The following ACOX2 variants were observed in gnomAD, a reference collection of about 807,000 sequenced individuals.
ACOX2 encodes acyl-CoA oxidase 2, also known as peroxisomal acyl-coenzyme A oxidase 2.
In ACOX2, 59 loss-of-function variants were observed where a neutral mutation model predicts 77.5. That is an observed-to-expected ratio of 0.76 (90% confidence interval 0.62 to 0.95). ACOX2 has a LOEUF of 0.95. Ranked by LOEUF, ACOX2 falls within the 40% of genes least tolerant of loss-of-function variation. The probability of loss-of-function intolerance (pLI) is 0.00; values close to 1 mark genes in which losing one functional copy is unlikely to be tolerated. For missense variants in ACOX2, 837 were observed against 880.4 expected (o/e 0.95, Z 0.62); for synonymous variants, 317 against 340.1 (o/e 0.93, Z 0.75).
At chr3:58,509,254 G>T (rs762782621) in intron 13 of ACOX2, among the ~76,000 whole-genome samples, 2 of 152,118 alleles carry the variant, frequency 1.3e-5, no homozygotes, top group East Asian at 3.9e-4. Flanking sequence ...CCGGCCATGC[G>T]TGGTGGCTCA....
Position 58,534,326 on chromosome 3 carries a change from C to G in ACOX2, c.323+34G>C, listed in dbSNP as rs1275420514. On this transcript the variant is annotated intron_variant, in intron 3 of 14. Coordinates refer to ENST00000302819, the MANE Select transcript of ACOX2 (RefSeq NM_003500.4). The surrounding 1 kb of genome is among the most constrained non-coding windows in gnomAD (Gnocchi z 4.8). ...GGTTTCCAGGTGATCCCAGGTAGAT[C>G]CCTCTCTAGTGGGGCTGCTCGAGGA... The G allele has an allele frequency of 6.2e-7, 1 of 1,611,256 alleles. No individual in the cohort carries two copies. The highest frequency in any genetic ancestry group is 8.5e-7 in the Non-Finnish European group (1 of 1,178,426).
In ACOX2 at chr3:58,522,683, T is replaced by G. The variant is rs1318436278; in HGVS notation, c.1527-82A>C. ...TGGGCTTCCTGTGGTCCCTCAGAAG[T>G]AGAAATAATGCCTGTTTATTGACCA... On this transcript the variant is annotated intron_variant, in intron 11 of 14. Coordinates refer to ENST00000302819, the MANE Select transcript of ACOX2 (RefSeq NM_003500.4). The surrounding 1 kb of genome is among the most constrained non-coding windows in gnomAD (Gnocchi z 4.3). 1.7e-6 allele frequency: 2 copies of G among 1,198,404 alleles called. No individual in the cohort carries two copies. Among genetic ancestry groups the G allele is most frequent in the Admixed American group, 3.5e-5 (2 of 57,240 alleles). The allele number at this position is 1,198,404 out of a possible 1,614,324, so 74.2% of individuals were successfully genotyped here. A position where few individuals can be genotyped will look rare whatever the true frequency, so the allele number is the denominator to read the frequency against.
rs775931712 is a variant in ACOX2 at position 58,508,986 on chromosome 3, G to A, written c.1890C>T (p.Thr630=). The change falls in exon 14 of 15, where the codon ACC becomes ACT. Residue 630 remains threonine (T), a synonymous_variant. Coordinates refer to ENST00000302819, the MANE Select transcript of ACOX2 (RefSeq NM_003500.4). ...AILLTDAFDF[T]DQCLNSALGC... is the part of the protein sequence containing the mutation. Reference sequence around the variant, plus strand: ...CAAGTGCTGAATTTAAACACTGATCGGTGAAGTCAAAAGCATCAGTTAACA... The same window carrying A: ...CAAGTGCTGAATTTAAACACTGATCAGTGAAGTCAAAAGCATCAGTTAACA... The A allele has an allele frequency of 3.7e-6, 6 of 1,614,090 alleles. No individual in the cohort carries two copies. The highest frequency in any genetic ancestry group is 4.5e-5 in the East Asian group (2 of 44,880).
Position 58,505,349 on chromosome 3 carries a change from C to T in ACOX2, c.1984-63G>A, listed in dbSNP as rs2063226799. ...TTTCTGCCAGGATTAATGACTTTCA[C>T]TTTCAAATTAAGTCTCTAGCTTCAA... On this transcript the variant is annotated intron_variant, in intron 14 of 14. Coordinates refer to ENST00000302819, the MANE Select transcript of ACOX2 (RefSeq NM_003500.4). The surrounding 1 kb of genome is among the most constrained non-coding windows in gnomAD (Gnocchi z 4.4). The T allele has an allele frequency of 7.4e-7, 1 of 1,360,302 alleles. No individual in the cohort carries two copies. Among genetic ancestry groups the T allele is most frequent in the African/African-American group, 1.5e-5 (1 of 68,366 alleles). 84.3% of individuals were successfully genotyped at this position (1,360,302 alleles called of 1,614,324 possible).
rs1259851966 is a variant in ACOX2, at chr3:58,534,103, G to A, written c.366C>T (p.Phe122=). The change falls in exon 4 of 15, where the codon TTC becomes TTT. Residue 122 remains phenylalanine (F), a synonymous_variant. Transcript: ENST00000302819. This position sits in a 1 kb window ranked among gnomAD's most constrained non-coding sequence, Gnocchi z 4.8. ...AGCCCAGGCTCCTGAGGGCTCTCACGAAGACTCTGTGTATATTTAAGGCCA... is the reference window on the plus strand; with the variant it reads ...AGCCCAGGCTCCTGAGGGCTCTCACAAAGACTCTGTGTATATTTAAGGCCA... ...GDVALNIHRV[F]VRALRSLGSE... 1.2e-6 allele frequency: 2 copies of A among 1,614,052 alleles called. No individual in the cohort carries two copies. The highest frequency in any genetic ancestry group is 1.1e-5 in the South Asian group (1 of 91,090).
chr3:58,507,283 A>G (rs1432243542), intron 14 of ACOX2, among the ~76,000 whole-genome samples: 2 of 151,994 alleles, frequency 1.3e-5, no homozygotes, highest in Non-Finnish European at 1.5e-5. Context: ...GAAGGTGAAG[A>G]CTCCTTCGTT....
At position 58,508,917 on chromosome 3, in the gene ACOX2, AG is replaced by A; in HGVS notation, c.1958del (p.Ala653ValfsTer18). ...GNVYERLFQWAQKSPTNTQEN... is the reference protein window; with the variant it reads ...GNVYERLFQWXQKSPTNTQEN... ...CCTGAGTATTGGTTGGTGACTTCTG[AG>A]CCCACTGGAACAGGCGTTCGTAGAC... is the stretch of plus-strand genomic sequence containing the variant. On this transcript the variant is annotated frameshift_variant, in exon 14 of 15. Transcript: ENST00000302819. LOFTEE classifies it high-confidence loss of function. The A allele has an allele frequency of 6.2e-7, 1 of 1,614,216 alleles. No homozygotes were observed. The highest frequency in any genetic ancestry group is 8.5e-7 in the Non-Finnish European group (1 of 1,180,042).
chr3:58,534,765 G>A lies in ACOX2; in HGVS notation c.160+182C>T. 7.5e-7 allele frequency: 1 copy of A among 1,330,752 alleles called. No individual in the cohort carries two copies. The highest frequency in any genetic ancestry group is 1.1e-6 in the Non-Finnish European group (1 of 948,992). 82.4% of individuals were successfully genotyped at this position (1,330,752 alleles called of 1,614,324 possible). On this transcript the variant is annotated intron_variant, in intron 2 of 14. Transcript: ENST00000302819. The surrounding 1 kb of genome is among the most constrained non-coding windows in gnomAD (Gnocchi z 4.8). ...CTGCCTAGGACTCTTCTATCCCCTA[G>A]GTGGGCTCAGGCAATATTGACATGT...
At chr3:58,532,511 G>C (rs946383522) in intron 5 of ACOX2, among the ~76,000 whole-genome samples, 1 of 151,732 alleles carries the variant, frequency 6.6e-6, no homozygotes, top group East Asian at 1.9e-4. Context: ...TCAGCCTCCC[G>C]AGTAGGTGGG....
Position 58,533,503 on chromosome 3 carries a change from G to A in ACOX2, c.525C>T (p.Thr175=). 1 of 1,614,002 alleles carries A rather than the reference G, an allele frequency of 6.2e-7. No homozygotes were observed. Among genetic ancestry groups the A allele is most frequent in the Non-Finnish European group, 8.5e-7 (1 of 1,179,984 alleles). ...LETEATYDAA[T]QEFVIHSPTL... Reference sequence around the variant, plus strand: ...TGGGGCTGTGTATCACAAACTCCTGGGTGGCTGCGTCATAGGTGGCTTCAG... The same window carrying A: ...TGGGGCTGTGTATCACAAACTCCTGAGTGGCTGCGTCATAGGTGGCTTCAG... Residue 175 remains threonine (T), a synonymous_variant, in exon 5 of 15, where the codon ACC becomes ACT. Coordinates refer to ENST00000302819, the MANE Select transcript of ACOX2 (RefSeq NM_003500.4). This position sits in a 1 kb window ranked among gnomAD's most constrained non-coding sequence, Gnocchi z 5.6.
rs2063227533 is a variant in ACOX2 at position 58,505,430 on chromosome 3, G to T, written c.1984-144C>A. 7.6e-6 allele frequency: 5 copies of T among 658,964 alleles called. No homozygotes were observed. The highest frequency in any genetic ancestry group is 1.2e-5 in the Non-Finnish European group (5 of 419,892). 40.8% of individuals were successfully genotyped at this position (658,964 alleles called of 1,614,324 possible). A position where few individuals can be genotyped will look rare whatever the true frequency, so the allele number is the denominator to read the frequency against. ...AAAAATTATTTCTAAGACTCATTTT[G>T]TGTGAACATATGGAGAAACATTTTT... On this transcript the variant is annotated intron_variant, in intron 14 of 14. Coordinates refer to ENST00000302819, the MANE Select transcript of ACOX2 (RefSeq NM_003500.4). The surrounding 1 kb of genome is among the most constrained non-coding windows in gnomAD (Gnocchi z 4.4).
At chr3:58,517,622 G>A (rs1560213173) in intron 12 of ACOX2, among the ~76,000 whole-genome samples, 199 bp from the exon 13 acceptor site, 1 of 137,588 alleles carries the variant, frequency 7.3e-6, no homozygotes. Context: ...TTGGGGGGGG[G>A]AGCGGGGACG....
Position 58,528,987 on chromosome 3 carries a change from C to G in ACOX2, c.993-31G>C, listed in dbSNP as rs184718018. On this transcript the variant is annotated intron_variant, in intron 8 of 14. Transcript: ENST00000302819. The surrounding 1 kb of genome is among the most constrained non-coding windows in gnomAD (Gnocchi z 5.6). ...GGGAAAAGAACCAGAAGATTTAGAT[C>G]ACTACCTGTTGTGTCCACCTTCCCC... 376 of 1,588,082 alleles carry G rather than the reference C, an allele frequency of 2.4e-4. 2 individuals carry two copies. The Admixed American group carries it at 6.5e-3, about 27-fold the overall frequency.
chr3:58,520,149 G>A (rs1030603207), intron 12 of ACOX2, among the ~76,000 whole-genome samples: 2 of 152,236 alleles, frequency 1.3e-5, no homozygotes, highest in Non-Finnish European at 2.9e-5. Flanking sequence ...GGGGGTGCTA[G>A]CTGCCTCTCT....
rs574039664 is a variant in ACOX2 at position 58,511,558 on chromosome 3, G to A, written c.1851-2533C>T. On this transcript the variant is annotated intron_variant, in intron 13 of 14. Transcript: ENST00000302819. ...AACTGCAATCACCTCATGCCCACAAGGTACTCTGTAGATATCCTCTTGGAC... is the reference window on the plus strand; with the variant it reads ...AACTGCAATCACCTCATGCCCACAAAGTACTCTGTAGATATCCTCTTGGAC... 7 of 171,558 alleles carry A rather than the reference G, an allele frequency of 4.1e-5. No individual in the cohort carries two copies. The South Asian group carries it at 8.9e-4, about 22-fold the overall frequency. 10.6% of individuals were successfully genotyped at this position (171,558 alleles called of 1,614,324 possible). A position where few individuals can be genotyped will look rare whatever the true frequency, so the allele number is the denominator to read the frequency against.
chr3:58,510,709 TACAC>T lies in ACOX2; in HGVS notation c.1851-1688_1851-1685del, dbSNP rs60942766. Among the ~76,000 whole-genome samples, 50 of 7,264 alleles carry T rather than the reference TACAC, an allele frequency of 6.9e-3. 6 individuals are homozygous for T. The highest frequency in any genetic ancestry group is 0.016 in the Admixed American group (6 of 366). The allele number at this position is 7,264 out of a possible 152,430, so 4.8% of individuals were successfully genotyped here. A position where few individuals can be genotyped will look rare whatever the true frequency, so the allele number is the denominator to read the frequency against. On this transcript the variant is annotated intron_variant, in intron 13 of 14. Transcript: ENST00000302819. ...ATATATATATATATATATATATATA[TACAC>T]ACACACACACACACACACACACACA...
Position 58,521,357 on chromosome 3 carries a change from G to A in ACOX2, c.1632+1139C>T, listed in dbSNP as rs779399441. ...GCCATTTTCTGGGTCTGAGGCCTGA[G>A]GATTGGCGTGATCACTTTAGTTTTC... On this transcript the variant is annotated intron_variant, in intron 12 of 14. Coordinates refer to ENST00000302819, the MANE Select transcript of ACOX2 (RefSeq NM_003500.4). This position sits in a 1 kb window ranked among gnomAD's most constrained non-coding sequence, Gnocchi z 4.8. Among the ~76,000 whole-genome samples the A allele has an allele frequency of 2.4e-4, 36 of 152,206 alleles. No homozygotes were observed. The highest frequency in any genetic ancestry group is 4.9e-4 in the Non-Finnish European group (33 of 68,030).
intron 14 of ACOX2, among the ~76,000 whole-genome samples, chr3:58,508,310 T>C (rs2063249099): frequency 6.6e-6 from 1 of 152,146 alleles, no homozygotes; most frequent in Non-Finnish European, 1.5e-5. Context: ...TTTTTTGGCA[T>C]GACCCTTTTA....
rs370773993 is a variant in ACOX2 at position 58,535,062 on chromosome 3, G to A, written c.45C>T (p.Ser15=). The change falls in exon 2 of 15, where the codon AGC becomes AGT. Residue 15 remains serine (S), a synonymous_variant. Transcript: ENST00000302819. This position sits in a 1 kb window ranked among gnomAD's most constrained non-coding sequence, Gnocchi z 4.8. Reference sequence around the variant, plus strand: ...TCTCTATGTCGGGGTGCATTTGCCTGCTCCAGGTATCCCCCAATGACACTC... The same window carrying A: ...TCTCTATGTCGGGGTGCATTTGCCTACTCCAGGTATCCCCCAATGACACTC... ...VHRVSLGDTW[S]RQMHPDIESE... 8 of 1,614,064 alleles carry A rather than the reference G, an allele frequency of 5.0e-6. No individual in the cohort carries two copies. The African/African-American group carries it at 9.3e-5, about 19-fold the overall frequency.
Sources: allele counts gnomAD v4.1 joint callset (sites outside exome capture counted in the v4.1 genomes callset), GRCh38; gene constraint gnomAD v4.1.1; non-coding constraint Gnocchi (gnomAD v3.1); transcripts MANE v1.5; gene names NCBI Gene and HGNC (gene_info 2026-07-23, HGNC 2026-07-21).